ADAMTSL1: variants seen among roughly 807,000 people sequenced by gnomAD.
The protein encoded by ADAMTSL1 is ADAMTS like 1, also known as ADAMTS-like protein 1.
Under a neutral mutation model 201.8 loss-of-function variants are expected in ADAMTSL1, and 126 were observed. The observed-to-expected ratio is 0.62, with a 90% CI of 0.54 to 0.72. The LOEUF is 0.72. ADAMTSL1 is among the 30% of genes least tolerant of loss of function. The pLI, the probability that ADAMTSL1 is intolerant of heterozygous loss-of-function variation, is 0.00. For missense variants in ADAMTSL1, 2,679 were observed against 2,277.8 expected (o/e 1.18, Z -3.59); for synonymous variants, 1,121 against 903.4 (o/e 1.24, Z -4.32).
At chr9:18,808,306 G>T (rs1823289736) in intron 20 of ADAMTSL1, among the ~76,000 whole-genome samples, 1 of 152,162 alleles carries the variant, frequency 6.6e-6, no homozygotes, top group South Asian at 2.1e-4. Flanking sequence ...TTTCTAATAG[G>T]TGTAAGAGGG....
chr9:18,672,908 C>G (rs183619881), intron 9 of ADAMTSL1, among the ~76,000 whole-genome samples: 204 of 152,216 alleles, frequency 1.3e-3, no homozygotes, highest in African/African-American at 4.6e-3. Context: ...CCACCACAAC[C>G]CCTGATGATG....
intron 2 of ADAMTSL1, among the ~76,000 whole-genome samples, chr9:18,516,823 T>C (rs993857927): frequency 2.0e-5 from 3 of 152,170 alleles, no homozygotes; most frequent in Middle Eastern, 3.2e-3. Context: ...CCTCCAGATA[T>C]GCAGTCAAGC....
chr9:18,744,456 T>C lies in ADAMTSL1; in HGVS notation c.2007-8842T>C, dbSNP rs1819016369. ...TATGGCTACTTTCTCTGACTGACTT[T>C]AGGAAGCTGCCTCACTCTACTTACT... On this transcript the variant is annotated intron_variant, in intron 15 of 28. Coordinates refer to ENST00000380548, the MANE Select transcript of ADAMTSL1 (RefSeq NM_001040272.6). Among the ~76,000 whole-genome samples the C allele has an allele frequency of 2.0e-5, 3 of 152,224 alleles. No individual in the cohort carries two copies. In the South Asian group the frequency reaches 6.2e-4, roughly 32 times the overall value.
intron 2 of ADAMTSL1, among the ~76,000 whole-genome samples, chr9:18,314,781 G>GTT (rs1563880361): frequency 2.9e-5 from 2 of 67,910 alleles, no homozygotes; most frequent in Admixed American, 2.2e-4. Flanking sequence ...TCGGCAGCGT[G>GTT]CTTTTTTTTT....
intron 2 of ADAMTSL1, among the ~76,000 whole-genome samples, chr9:18,334,254 A>T (rs1284386415): frequency 6.6e-6 from 1 of 152,178 alleles, no homozygotes; most frequent in South Asian, 2.1e-4. Flanking sequence ...AGCACAATAC[A>T]AATTGGAATT....
chr9:18,755,246 T>C (rs540196903), intron 16 of ADAMTSL1, among the ~76,000 whole-genome samples: 1 of 152,322 alleles, frequency 6.6e-6, no homozygotes, highest in Admixed American at 6.5e-5. Context: ...TTGGAGTGAA[T>C]CTATGACCTT....
At chr9:18,570,324 T>C (rs564617884) in intron 3 of ADAMTSL1, among the ~76,000 whole-genome samples, 2 of 152,230 alleles carry the variant, frequency 1.3e-5, no homozygotes, top group East Asian at 1.9e-4. Context: ...TTGTAGATGG[T>C]AAATCTCTAT....
chr9:18,719,953 T>C (rs931287430), intron 14 of ADAMTSL1, among the ~76,000 whole-genome samples: 1 of 152,226 alleles, frequency 6.6e-6, no homozygotes, highest in Non-Finnish European at 1.5e-5. Flanking sequence ...TTATGTATAT[T>C]GCTAATTACA....
intron 1 of ADAMTSL1, among the ~76,000 whole-genome samples, chr9:18,131,318 AT>A (rs1200966989): frequency 2.6e-5 from 4 of 152,150 alleles, no homozygotes; most frequent in Non-Finnish European, 4.4e-5. Context: ...CAGTATTTCT[AT>A]AGGAAATTTG....
At chr9:18,580,457 T>G (rs1206537112) in intron 4 of ADAMTSL1, among the ~76,000 whole-genome samples, 1 of 152,220 alleles carries the variant, frequency 6.6e-6, no homozygotes, top group East Asian at 1.9e-4. Flanking sequence ...ACATTTTTTC[T>G]TCTGTACTTT....
chr9:18,558,212 A>G (rs1821227239), intron 3 of ADAMTSL1, among the ~76,000 whole-genome samples: 1 of 151,934 alleles, frequency 6.6e-6, no homozygotes, highest in Non-Finnish European at 1.5e-5. Flanking sequence ...CCCTGTGTCC[A>G]TGTGTTCTCA....
At chr9:17,973,724 G>T (rs1446352011) in intron 1 of ADAMTSL1, among the ~76,000 whole-genome samples, 1 of 137,166 alleles carries the variant, frequency 7.3e-6, no homozygotes, top group Non-Finnish European at 1.6e-5. Context: ...AGCTTGATGG[G>T]GATGGCATTG....
At chr9:18,610,364 G>A (rs1018839103) in intron 4 of ADAMTSL1, among the ~76,000 whole-genome samples, 2 of 152,064 alleles carry the variant, frequency 1.3e-5, no homozygotes, top group African/African-American at 2.4e-5. Flanking sequence ...CTGAAAATTC[G>A]CTGCCTTGTC....
At chr9:17,919,860 A>G (rs1361317463) in intron 1 of ADAMTSL1, among the ~76,000 whole-genome samples, 7 of 152,116 alleles carry the variant, frequency 4.6e-5, no homozygotes, top group Non-Finnish European at 1.0e-4. Context: ...GCTAGGTTAA[A>G]TAGTACACTA....
intron 12 of ADAMTSL1, among the ~76,000 whole-genome samples, chr9:18,684,156 A>G (rs1267490299): frequency 6.6e-6 from 1 of 152,094 alleles, no homozygotes; most frequent in Non-Finnish European, 1.5e-5. Context: ...TGTGTTATGA[A>G]CCCTCATTTG....
At chr9:18,606,207 C>T (rs1342891798) in intron 4 of ADAMTSL1, among the ~76,000 whole-genome samples, 5 of 151,994 alleles carry the variant, frequency 3.3e-5, no homozygotes, top group East Asian at 1.9e-4. Context: ...AGGTAATAAC[C>T]GAGTCAATGC....
chr9:18,869,747 T>C (rs557743715), intron 23 of ADAMTSL1, among the ~76,000 whole-genome samples: 1 of 152,324 alleles, frequency 6.6e-6, no homozygotes, highest in South Asian at 2.1e-4. Flanking sequence ...TTTCAATATT[T>C]TTTCTTTCTC....
At position 18,399,589 on chromosome 9, in the gene ADAMTSL1, G is replaced by C. The variant is rs184963121; in HGVS notation, c.208-105240G>C. Among the ~76,000 whole-genome samples, 759 of 151,530 alleles carry C rather than the reference G, an allele frequency of 5.0e-3. 12 individuals carry two copies. Among genetic ancestry groups the C allele is most frequent in the African/African-American group, 0.018 (735 of 41,336 alleles). On this transcript the variant is annotated intron_variant, in intron 2 of 29. Coordinates refer to the ADAMTSL1 transcript ENST00000680146. ...TGGTCTCGAACTCCTGACCTCAAGT[G>C]ATCTACCCGCCTCGGCCTCTGAAAG... is the stretch of plus-strand genomic sequence containing the variant.
chr9:18,876,442 C>T (rs572166998), intron 23 of ADAMTSL1, among the ~76,000 whole-genome samples: 13 of 151,946 alleles, frequency 8.6e-5, no homozygotes, highest in Admixed American at 5.2e-4. Context: ...CTTGCAGTGC[C>T]GACTTGGTAG....
Sources: gnomAD v4.1 joint callset for allele counts (sites outside exome capture counted in the v4.1 genomes callset) on GRCh38, gnomAD v4.1.1 for gene constraint, MANE v1.5 for transcripts, NCBI Gene and HGNC (gene_info 2026-07-23, HGNC 2026-07-21) for gene names.